THBS3: variants seen among roughly 807,000 people sequenced by gnomAD.
The protein encoded by THBS3 is thrombospondin 3.
Under a neutral mutation model 118.3 loss-of-function variants are expected in THBS3, and 78 were observed. The ratio of observed to expected loss-of-function variants is 0.66; its 90% CI spans 0.55 to 0.80. The LOEUF (loss-of-function observed/expected upper bound fraction) is 0.80, where lower values mean the gene tolerates loss of function less well. Ranked by LOEUF, THBS3 falls within the 30% of genes least tolerant of loss-of-function variation. THBS3 has a pLI of 0.00. For synonymous variants in THBS3, 427 were observed against 475.3 expected, an observed-to-expected ratio of 0.90 and a Z score of 1.32; for missense variants, 1,057 against 1,247.4, an observed-to-expected ratio of 0.85 and a Z score of 2.30.
chr1:155,203,518 A>G lies in THBS3; in HGVS notation c.668T>C (p.Ile223Thr), dbSNP rs1670109606. 1 of 1,613,626 alleles carries G rather than the reference A, an allele frequency of 6.2e-7. No homozygotes were observed. The highest frequency in any genetic ancestry group is 8.5e-7 in the Non-Finnish European group (1 of 1,179,970). The change falls in exon 5 of 23, where the codon ATT (isoleucine) becomes ACT (threonine). Residue 223 changes from isoleucine to threonine, a missense_variant. This residue lies in a region of THBS3 where 544 missense variants were observed against 715.6 expected (regional missense o/e 0.76). Transcript: ENST00000368378. ...HSAVTNALHS[I>T]LGEQTKALVT... is the part of the protein sequence containing the mutation. ...CTTCAGTGTGGCCTACTCACCTAGAATGGAGTGCAGTGCATTGGTCACTGG... is the reference window on the plus strand; with the variant it reads ...CTTCAGTGTGGCCTACTCACCTAGAGTGGAGTGCAGTGCATTGGTCACTGG...
rs769681182 is a variant in THBS3, at chr1:155,197,389, G to A, written c.2499+74C>T. On this transcript the variant is annotated intron_variant, in intron 20 of 22. Transcript: ENST00000368378. This position sits in a 1 kb window ranked among gnomAD's most constrained non-coding sequence, Gnocchi z 5.0. Reference sequence around the variant, plus strand: ...GTAAGAGGGTTCCCAGTCAAGCAGTGGGGGAGGCCCTGGGGCTGCAGAGGA... The same window carrying A: ...GTAAGAGGGTTCCCAGTCAAGCAGTAGGGGAGGCCCTGGGGCTGCAGAGGA... 48 of 1,560,484 alleles carry A rather than the reference G, an allele frequency of 3.1e-5. No homozygotes were observed. The Middle Eastern group carries it at 8.9e-4, about 29-fold the overall frequency.
At chr1:155,208,903 G>C, upstream of THBS3, 2 of 1,611,696 alleles carry the variant, frequency 1.2e-6, no homozygotes, top group Non-Finnish European at 1.7e-6. Context: ...AGAGCCCCCA[G>C]ACCTGGCCCA....
rs1188566548 is a variant in THBS3, at chr1:155,206,062, CT to C, written c.286+137del. ...TATAAGCACCCCATACCAGGTGCCCCTGATGTCTGGGCACAGCCTGATGGGA... is the reference window on the plus strand; with the variant it reads ...TATAAGCACCCCATACCAGGTGCCCCGATGTCTGGGCACAGCCTGATGGGA... On this transcript the variant is annotated intron_variant, in intron 2 of 22. Transcript: ENST00000368378. This position sits in a 1 kb window ranked among gnomAD's most constrained non-coding sequence, Gnocchi z 4.2. 5.1e-6 allele frequency: 5 copies of C among 985,970 alleles called. No homozygotes were observed. Among genetic ancestry groups the C allele is most frequent in the South Asian group, 1.6e-5 (1 of 63,866 alleles). The allele number at this position is 985,970 out of a possible 1,614,324, so 61.1% of individuals were successfully genotyped here.
chr1:155,197,857 T>C lies in THBS3; in HGVS notation c.2302+23A>G. ...TAGGATTCCTCCATTTGGAAGTGAT[T>C]GAACTGCATATCCCTTACATACCAA... On this transcript the variant is annotated intron_variant, in intron 19 of 22. Transcript: ENST00000368378. The surrounding 1 kb of genome is among the most constrained non-coding windows in gnomAD (Gnocchi z 5.0). 1 of 1,613,988 alleles carries C rather than the reference T, an allele frequency of 6.2e-7. No homozygotes were observed. Among genetic ancestry groups the C allele is most frequent in the South Asian group, 1.1e-5 (1 of 91,084 alleles).
Position 155,201,207 on chromosome 1 carries a change from A to G in THBS3, c.1330-3T>C. 6.2e-7 allele frequency: 1 copy of G among 1,614,002 alleles called. No homozygotes were observed. The highest frequency in any genetic ancestry group is 8.5e-7 in the Non-Finnish European group (1 of 1,179,992). Reference sequence around the variant, plus strand: ...TTCCCAGCCCAGCCCACGTTACACTAGGGCAACACAAAGGGTAGGAGCTAG... The same window carrying G: ...TTCCCAGCCCAGCCCACGTTACACTGGGGCAACACAAAGGGTAGGAGCTAG... On this transcript the variant is annotated splice_region_variant and splice_polypyrimidine_tract_variant and intron_variant, in intron 11 of 22. Transcript: ENST00000368378.
chr1:155,198,142 C>T lies in THBS3; in HGVS notation c.2153G>A (p.Ser718Asn). The change falls in exon 18 of 23, where the codon AGT (serine) becomes AAT (asparagine). Residue 718 changes from serine (S) to asparagine (N), a missense_variant. Physicochemically the swap from Ser to Asn is conservative, Grantham distance 46 (BLOSUM62 1). This residue lies in a region of THBS3 where 307 missense variants were observed against 326.1 expected (regional missense o/e 0.94). Coordinates refer to ENST00000368378, the MANE Select transcript of THBS3 (RefSeq NM_007112.5). Reference sequence around the variant, plus strand: ...AAAATCCGTAAGCGTTACCTCTGCACTTTCAGGACACACATCCAGGGGGTC... The same window carrying T: ...AAAATCCGTAAGCGTTACCTCTGCATTTTCAGGACACACATCCAGGGGGTC... ...VVDPLDVCPESAEVTLTDFRA... is the reference protein window; with the variant it reads ...VVDPLDVCPENAEVTLTDFRA... The T allele has an allele frequency of 6.2e-7, 1 of 1,614,184 alleles. No homozygotes were observed.
chr1:155,203,360 T>C, intron 5 of THBS3, 55 bp from the exon 6 acceptor site: 1 of 1,601,886 alleles, frequency 6.2e-7, no homozygotes, highest in Non-Finnish European at 8.5e-7. Context: ...TCCTGGGCCC[T>C]CCATGGGCAA....
At chr1:155,208,825 C>G (rs775010955), upstream of THBS3, 10 of 1,575,690 alleles carry the variant, frequency 6.3e-6, no homozygotes, top group African/African-American at 1.4e-5. Context: ...GGGGACCCCC[C>G]CGCAGTCCCC....
chr1:155,197,010 T>A lies in THBS3; in HGVS notation c.2672+31A>T. ...AGAGGAAGGACAGGCCCGGCCTGAGTCCCACAGGTGGGCTCAGCCCCTCTC... is the reference window on the plus strand; with the variant it reads ...AGAGGAAGGACAGGCCCGGCCTGAGACCCACAGGTGGGCTCAGCCCCTCTC... On this transcript the variant is annotated intron_variant, in intron 21 of 22. Coordinates refer to ENST00000368378, the MANE Select transcript of THBS3 (RefSeq NM_007112.5). The surrounding 1 kb of genome is among the most constrained non-coding windows in gnomAD (Gnocchi z 5.0). The A allele has an allele frequency of 6.2e-7, 1 of 1,601,882 alleles. No individual in the cohort carries two copies. Among genetic ancestry groups the A allele is most frequent in the Non-Finnish European group, 8.5e-7 (1 of 1,170,608 alleles).
rs1662209359 is a variant in THBS3 at position 155,198,732 on chromosome 1, G to C, written c.1881-130C>G. 1.4e-5 allele frequency: 12 copies of C among 841,170 alleles called. 1 individual carries two copies. The South Asian group carries it at 1.9e-4, about 13-fold the overall frequency. 52.1% of individuals were successfully genotyped at this position (841,170 alleles called of 1,614,324 possible). Reference sequence around the variant, plus strand: ...CCCCTGGCAGTCAGCCAGGTGAGGTGAAGGTCTGGCAGTAGGAATGGAGGG... The same window carrying C: ...CCCCTGGCAGTCAGCCAGGTGAGGTCAAGGTCTGGCAGTAGGAATGGAGGG... On this transcript the variant is annotated intron_variant, in intron 16 of 22. Transcript: ENST00000368378.
chr1:155,199,936 G>T (rs762295730), intron 15 of THBS3, 59 bp downstream of exon 15: 60 of 1,610,532 alleles, frequency 3.7e-5, no homozygotes, highest in Admixed American at 5.0e-5. Context: ...CATCCAAAGG[G>T]CTGGGGCTTC....
At chr1:155,208,727 G>C, upstream of THBS3, 20 of 664,836 alleles carry the variant, frequency 3.0e-5, no homozygotes, top group Non-Finnish European at 3.6e-5. Flanking sequence ...CGCTCCGGCC[G>C]CCGCCACCGC....
rs972908169 is a variant in THBS3, at chr1:155,197,475, C to G, written c.2487G>C (p.Gly829=). Residue 829 remains glycine (G), a synonymous_variant, in exon 20 of 23, where the codon GGG becomes GGC. Coordinates refer to ENST00000368378, the MANE Select transcript of THBS3 (RefSeq NM_007112.5). This position sits in a 1 kb window ranked among gnomAD's most constrained non-coding sequence, Gnocchi z 5.0. ...ATPFRAVAQP[G]LQLKAVTSVS... is the part of the protein sequence containing the mutation. Reference sequence around the variant, plus strand: ...AGCAGCTGGGGACCTTGAGCTGCAGCCCGGGCTGGGCAACCGCCCGGAAGG... The same window carrying G: ...AGCAGCTGGGGACCTTGAGCTGCAGGCCGGGCTGGGCAACCGCCCGGAAGG... 6.2e-7 allele frequency: 1 copy of G among 1,612,744 alleles called. No homozygotes were observed. The highest frequency in any genetic ancestry group is 1.3e-5 in the African/African-American group (1 of 74,862).
chr1:155,196,194 C>G, intron 21 of THBS3, 68 bp from the exon 22 acceptor site: 1 of 1,574,058 alleles, frequency 6.4e-7, no homozygotes, highest in South Asian at 1.1e-5. Flanking sequence ...TGCCACCATG[C>G]CTGGGGCCTT....
At chr1:155,209,106 G>A (rs1670947676), upstream of THBS3, 5 of 1,543,322 alleles carry the variant, frequency 3.2e-6, no homozygotes, top group African/African-American at 4.1e-5. Context: ...TCAGCTGCCA[G>A]TCGGGCCAGA....
At chr1:155,205,031 A>T in intron 3 of THBS3, 29 bp downstream of exon 3, 1 of 1,613,004 alleles carries the variant, frequency 6.2e-7, no homozygotes. Flanking sequence ...CTCTATTTCC[A>T]CAGAACTCAG....
intron 21 of THBS3, chr1:155,196,489 A>C: frequency 3.7e-6 from 1 of 271,454 alleles, no homozygotes; most frequent in Non-Finnish European, 7.0e-6. Context: ...AGGCACCTTA[A>C]AGGGGAACCA....
intron 21 of THBS3, 180 bp downstream of exon 21, chr1:155,196,861 G>T (rs1019894398): frequency 3.2e-6 from 2 of 615,438 alleles, no homozygotes; most frequent in Admixed American, 6.0e-5. Context: ...ACGGGAAAAT[G>T]GGTCATGGAG....
At position 155,197,235 on chromosome 1, in the gene THBS3, AG is replaced by A. The variant is rs1238878776; in HGVS notation, c.2500-23del. 1 of 1,608,180 alleles carries A rather than the reference AG, an allele frequency of 6.2e-7. No individual in the cohort carries two copies. The highest frequency in any genetic ancestry group is 8.5e-7 in the Non-Finnish European group (1 of 1,175,062). ...CTGCCTAGGAGACATTGGCAAAGAC[AG>A]TGGGTCAACTGCAGAACTGGAGTGA... is the stretch of plus-strand genomic sequence containing the variant. On this transcript the variant is annotated intron_variant, in intron 20 of 22. Transcript: ENST00000368378. This position sits in a 1 kb window ranked among gnomAD's most constrained non-coding sequence, Gnocchi z 5.0.
Sources: gnomAD v4.1 joint callset for allele counts on GRCh38, gnomAD v4.1.1 for gene constraint, gnomAD v4.1.1 regional missense constraint, Gnocchi (gnomAD v3.1) non-coding constraint, MANE v1.5 for transcripts, NCBI Gene and HGNC (gene_info 2026-07-23, HGNC 2026-07-21) for gene names.